The following MINDY2 variants were observed in gnomAD, a reference collection of about 807,000 sequenced individuals.
MINDY2 encodes ubiquitin carboxyl-terminal hydrolase MINDY-2.
Under a neutral mutation model 68.2 loss-of-function variants are expected in MINDY2, and 52 were observed. The ratio of observed to expected loss-of-function variants is 0.76; its 90% CI spans 0.61 to 0.96. The LOEUF (loss-of-function observed/expected upper bound fraction) is 0.96. Among genes scored for constraint, MINDY2 ranks in the 40% least tolerant of loss-of-function variants. The pLI, the probability that MINDY2 is intolerant of heterozygous loss-of-function variation, is 0.00. For synonymous variants in MINDY2, 372 were observed against 303.0 expected (o/e 1.23, Z -2.36); for missense variants, 881 against 773.4 (o/e 1.14, Z -1.65).
chr15:58,793,522 A>G (rs982602090), intron 2 of MINDY2, among the ~76,000 whole-genome samples: 1 of 152,212 alleles, frequency 6.6e-6, no homozygotes, highest in Non-Finnish European at 1.5e-5. Flanking sequence ...AATCCTGTGA[A>G]TATACAACAA....
intron 1 of MINDY2, among the ~76,000 whole-genome samples, chr15:58,778,055 T>C (rs1187021834): frequency 6.6e-6 from 1 of 152,164 alleles, no homozygotes; most frequent in Non-Finnish European, 1.5e-5. Flanking sequence ...AGAAGGTATA[T>C]AACATATATA....
chr15:58,846,319 C>A (rs1368178523), intron 6 of MINDY2, among the ~76,000 whole-genome samples: 1 of 152,058 alleles, frequency 6.6e-6, no homozygotes, highest in Non-Finnish European at 1.5e-5. Context: ...GTAGGCCAGG[C>A]GCGGTGGCTC....
chr15:58,789,632 G>A (rs1369897698), intron 2 of MINDY2, among the ~76,000 whole-genome samples: 1 of 150,520 alleles, frequency 6.6e-6, no homozygotes, highest in African/African-American at 2.4e-5. Context: ...TAATTTTTGG[G>A]TTTTTGGTTT....
chr15:58,856,599 T>C lies in MINDY2; in HGVS notation c.*1989T>C, dbSNP rs533401262. On this transcript the variant is annotated 3_prime_UTR_variant, in exon 9 of 9. Coordinates refer to ENST00000559228, the MANE Select transcript of MINDY2 (RefSeq NM_001040450.3). ...AGTATCTTGATTATAACCTAGAATATGTATACGTTAGTAAAATAACCAGAT... is the reference window on the plus strand; with the variant it reads ...AGTATCTTGATTATAACCTAGAATACGTATACGTTAGTAAAATAACCAGAT... 1.3e-5 allele frequency: 2 copies of C among 152,334 alleles called. No homozygotes were observed. Among genetic ancestry groups the C allele is most frequent in the East Asian group, 1.9e-4 (1 of 5,194 alleles). The allele number at this position is 152,334 out of a possible 1,614,324, so 9.4% of individuals were successfully genotyped here.
intron 6 of MINDY2, among the ~76,000 whole-genome samples, chr15:58,838,397 C>CA (rs1251529302): frequency 3.3e-5 from 5 of 149,544 alleles, no homozygotes; most frequent in Admixed American, 2.7e-4. Flanking sequence ...GACTCCATCT[C>CA]AAAAAAAACA....
intron 6 of MINDY2, among the ~76,000 whole-genome samples, chr15:58,840,969 A>AT (rs371021666): frequency 0.013 from 1,769 of 132,356 alleles, 21 homozygotes; most frequent in East Asian, 0.038. Context: ...CGCCTGGCCA[A>AT]TTTTTTTTTT....
chr15:58,813,688 G>T (rs917247798), intron 4 of MINDY2, among the ~76,000 whole-genome samples: 1 of 151,158 alleles, frequency 6.6e-6, no homozygotes, highest in East Asian at 2.0e-4. Context: ...TCCTCTTGCC[G>T]CAGCCTCCCA....
chr15:58,851,530 C>A (rs534865749), intron 7 of MINDY2, among the ~76,000 whole-genome samples: 41 of 152,078 alleles, frequency 2.7e-4, no homozygotes, highest in East Asian at 2.3e-3. Flanking sequence ...CCTCAAACTC[C>A]TGGGCTGAAG....
intron 6 of MINDY2, among the ~76,000 whole-genome samples, chr15:58,837,623 C>A (rs1287610404): frequency 6.6e-6 from 1 of 151,850 alleles, no homozygotes; most frequent in Non-Finnish European, 1.5e-5. Flanking sequence ...CTTCCTACTG[C>A]CTTCTAGCAT....
rs756805124 is a variant in MINDY2 at position 58,771,546 on chromosome 15, G to A, written c.151G>A (p.Gly51Arg). 5.9e-5 allele frequency: 95 copies of A among 1,611,394 alleles called. No individual in the cohort carries two copies. Among genetic ancestry groups the A allele is most frequent in the Non-Finnish European group, 7.7e-5 (91 of 1,179,546 alleles). ...PGVWAAETSG[G>R]NGLGAAAARR... ...GGTATGGGCGGCGGAGACCAGCGGCGGGAATGGGCTGGGGGCGGCGGCCGC... is the reference window on the plus strand; with the variant it reads ...GGTATGGGCGGCGGAGACCAGCGGCAGGAATGGGCTGGGGGCGGCGGCCGC... Residue 51 changes from glycine (G) to arginine (R), a missense_variant, in exon 1 of 9, where the codon GGG (glycine) becomes AGG (arginine). Gly to Arg is a moderately radical substitution (Grantham distance 125). Coordinates refer to ENST00000559228, the MANE Select transcript of MINDY2 (RefSeq NM_001040450.3).
chr15:58,789,325 G>A (rs1049714784), intron 2 of MINDY2, among the ~76,000 whole-genome samples: 41 of 152,272 alleles, frequency 2.7e-4, no homozygotes, highest in African/African-American at 9.1e-4. Context: ...GCAACAGAGC[G>A]AGACTCCGTC....
intron 2 of MINDY2, among the ~76,000 whole-genome samples, chr15:58,792,313 A>G (rs1284221045): frequency 6.6e-6 from 1 of 152,274 alleles, no homozygotes; most frequent in African/African-American, 2.4e-5. Flanking sequence ...TACAGCTTGT[A>G]TAAAAATGTT....
At chr15:58,806,754 A>C (rs1265297810) in intron 3 of MINDY2, among the ~76,000 whole-genome samples, 3 of 152,160 alleles carry the variant, frequency 2.0e-5, no homozygotes, top group African/African-American at 7.2e-5. Flanking sequence ...TAGATTGCTC[A>C]CTGTTGTTAC....
At chr15:58,797,077 G>A (rs1261650379) in intron 2 of MINDY2, among the ~76,000 whole-genome samples, 1 of 152,224 alleles carries the variant, frequency 6.6e-6, no homozygotes, top group South Asian at 2.1e-4. Flanking sequence ...TTGAAATGTG[G>A]CCAGTGTGAA....
intron 6 of MINDY2, among the ~76,000 whole-genome samples, chr15:58,835,982 T>G (rs1361764187): frequency 1.3e-5 from 2 of 152,266 alleles, no homozygotes; most frequent in Non-Finnish European, 2.9e-5. Flanking sequence ...CAATCTCGGC[T>G]CGCTGCAAGC....
In MINDY2 at chr15:58,806,645, C is replaced by G. The variant is rs57065807; in HGVS notation, c.964-3585C>G. On this transcript the variant is annotated intron_variant, in intron 3 of 8. Coordinates refer to ENST00000559228, the MANE Select transcript of MINDY2 (RefSeq NM_001040450.3). The stretch of plus-strand genomic sequence containing the variant: ...TGAAGGTATAAGCATGAGCCCAGAG[C>G]CATTAGAAATCATATTGCCCCTAAA... Among the ~76,000 whole-genome samples, 1,351 of 152,062 alleles carry G rather than the reference C, an allele frequency of 8.9e-3. 19 individuals carry two copies. Among genetic ancestry groups the G allele is most frequent in the African/African-American group, 0.031 (1,274 of 41,480 alleles).
intron 6 of MINDY2, among the ~76,000 whole-genome samples, chr15:58,840,005 T>C (rs1388184016): frequency 6.6e-6 from 1 of 152,104 alleles, no homozygotes; most frequent in African/African-American, 2.4e-5. Flanking sequence ...GCTAATTTTT[T>C]GTATTTTTAG....
chr15:58,810,143 TA>T, intron 3 of MINDY2, 86 bp from the exon 4 acceptor site: 4 of 1,199,754 alleles, frequency 3.3e-6, no homozygotes, highest in Non-Finnish European at 4.7e-6. Context: ...AATGGAAAAT[TA>T]AAAGTAAATG....
chr15:58,771,782 G>T lies in MINDY2; in HGVS notation c.387G>T (p.Ala129=), dbSNP rs764370579. 112 of 1,610,236 alleles carry T rather than the reference G, an allele frequency of 7.0e-5. No individual in the cohort carries two copies. Among genetic ancestry groups the T allele is most frequent in the Non-Finnish European group, 9.3e-5 (110 of 1,179,070 alleles). Residue 129 remains alanine (A), a synonymous_variant, in exon 1 of 9, where the codon GCG becomes GCT. Coordinates refer to ENST00000559228, the MANE Select transcript of MINDY2 (RefSeq NM_001040450.3). The stretch of plus-strand genomic sequence containing the variant: ...ATGAGTTGGGTACCGCCGGAGACGC[G>T]GGAGCCCGCCCGGATCTCGCCGGCA... ...VGHELGTAGD[A]GARPDLAGTC...
Sources: gnomAD v4.1 joint callset for allele counts (sites outside exome capture counted in the v4.1 genomes callset) on GRCh38, gnomAD v4.1.1 for gene constraint, MANE v1.5 for transcripts, NCBI Gene and HGNC (gene_info 2026-07-23, HGNC 2026-07-21) for gene names.